Variants in HEPH observed in about 807,000 individuals in gnomAD.
The protein encoded by HEPH is hephaestin.
A neutral mutation model predicts 80.8 loss-of-function variants in HEPH; 69 were observed. The observed-to-expected ratio is 0.85, with a 90% CI of 0.70 to 1.04. The LOEUF (loss-of-function observed/expected upper bound fraction) is 1.04, where lower values mean the gene tolerates loss of function less well. Ranked by LOEUF, HEPH falls within the 50% of genes least tolerant of loss-of-function variation. The probability of loss-of-function intolerance (pLI) is 0.00; values close to 1 mark genes in which losing one functional copy is unlikely to be tolerated. For synonymous variants in HEPH, 431 were observed against 322.8 expected (o/e 1.34, Z -3.60); for missense variants, 1,115 against 891.3 (o/e 1.25, Z -3.20).
At chrX:66,220,097 G>A (rs1276484041) in intron 15 of HEPH, among the ~76,000 whole-genome samples, 1 of 110,941 alleles carries the variant, frequency 9.0e-6, no homozygotes, top group East Asian at 2.8e-4. Flanking sequence ...AAGTTATCAG[G>A]GTGATTCTTT....
intron 15 of HEPH, among the ~76,000 whole-genome samples, chrX:66,227,693 G>T (rs996129288): frequency 3.6e-5 from 4 of 111,826 alleles, no homozygotes; most frequent in African/African-American, 1.3e-4. Flanking sequence ...CTTTGTTGAA[G>T]ATTAGTTGAC....
chrX:66,260,897 G>A (rs750366819), intron 19 of HEPH, among the ~76,000 whole-genome samples: 1 of 110,942 alleles, frequency 9.0e-6, no homozygotes, highest in South Asian at 3.8e-4. Context: ...CTCCCAAGTA[G>A]CTGGGACTGC....
intron 3 of HEPH, among the ~76,000 whole-genome samples, chrX:66,172,803 G>A (rs773515010): frequency 2.1e-4 from 23 of 112,006 alleles, no homozygotes; most frequent in African/African-American, 7.5e-4. Flanking sequence ...ACGAGTCATT[G>A]TCTCTCTCTG....
intron 13 of HEPH, among the ~76,000 whole-genome samples, chrX:66,204,631 G>A (rs1344896696): frequency 9.0e-6 from 1 of 111,670 alleles, no homozygotes; most frequent in Non-Finnish European, 1.9e-5. Context: ...CTATATACAT[G>A]CTAAAAGGAA....
intron 15 of HEPH, among the ~76,000 whole-genome samples, chrX:66,233,866 CAT>C (rs1280881927): frequency 9.0e-6 from 1 of 110,688 alleles, no homozygotes; most frequent in East Asian, 2.8e-4. Flanking sequence ...GCTGTCAAAA[CAT>C]GTTTTTATTT....
At position 66,236,631 on chromosome X, in the gene HEPH, A is replaced by G. The variant is rs144165667; in HGVS notation, c.2564-18404A>G. On this transcript the variant is annotated intron_variant, in intron 15 of 20. Coordinates refer to ENST00000343002, the MANE Select transcript of HEPH (RefSeq NM_001367233.3). ...ATCAGGGTGATGCTGGCCTCGTAGA[A>G]TGAGTTAGGGAGGAGTCCCTCCTTC... Among the ~76,000 whole-genome samples the G allele has an allele frequency of 9.7e-3, 1,080 of 111,596 alleles. 13 individuals carry two copies. Among genetic ancestry groups the G allele is most frequent in the African/African-American group, 0.034 (1,031 of 30,700 alleles).
At chrX:66,178,469 A>G (rs960694447) in intron 4 of HEPH, among the ~76,000 whole-genome samples, 1 of 112,299 alleles carries the variant, frequency 8.9e-6, no homozygotes, top group African/African-American at 3.2e-5. Context: ...CAGTAATGGG[A>G]TGGCTGGGTC....
At chrX:66,173,436 C>T (rs1321691623) in intron 3 of HEPH, among the ~76,000 whole-genome samples, 153 bp from the exon 4 acceptor site, 1 of 111,907 alleles carries the variant, frequency 8.9e-6, no homozygotes, top group Non-Finnish European at 1.9e-5. Flanking sequence ...TCTGTGCTCT[C>T]CTTAGGTTGT....
At chrX:66,266,375 A>G in intron 20 of HEPH, 65 bp from the exon 21 acceptor site, 8 of 867,337 alleles carry the variant, frequency 9.2e-6, no homozygotes, top group Non-Finnish European at 1.3e-5. Context: ...GGTGATGACT[A>G]TAGATAGTTA....
At chrX:66,252,912 T>A (rs746721826) in intron 15 of HEPH, among the ~76,000 whole-genome samples, 1 of 112,391 alleles carries the variant, frequency 8.9e-6, no homozygotes, top group South Asian at 3.7e-4. Flanking sequence ...TGCAAAACTA[T>A]GAAGTTGGAC....
intron 9 of HEPH, among the ~76,000 whole-genome samples, chrX:66,195,490 G>C (rs945847670): frequency 7.2e-5 from 8 of 110,968 alleles, no homozygotes; most frequent in African/African-American, 2.6e-4. Flanking sequence ...CAATTACAAA[G>C]TAAATAAGCA....
chrX:66,220,697 T>C (rs1028154961), intron 15 of HEPH, among the ~76,000 whole-genome samples: 1 of 111,648 alleles, frequency 9.0e-6, no homozygotes, highest in Admixed American at 9.5e-5. Flanking sequence ...AGCACAGGCA[T>C]CAAACTTCAA....
chrX:66,182,022 T>G (rs2087185234), intron 4 of HEPH, among the ~76,000 whole-genome samples: 1 of 108,107 alleles, frequency 9.3e-6, no homozygotes, highest in Admixed American at 9.9e-5. Context: ...ATATGCGGCA[T>G]TATTTCTGAG....
intron 15 of HEPH, among the ~76,000 whole-genome samples, chrX:66,247,481 C>A (rs754232849): frequency 4.9e-4 from 54 of 110,051 alleles, no homozygotes; most frequent in Middle Eastern, 4.6e-3. Context: ...AATTTCAATT[C>A]TCCTTTTCTA....
intron 15 of HEPH, among the ~76,000 whole-genome samples, chrX:66,232,614 A>G (rs1283338091): frequency 9.0e-6 from 1 of 111,313 alleles, no homozygotes; most frequent in Non-Finnish European, 1.9e-5. Context: ...GTTATAATGT[A>G]GCATAACATC....
intron 4 of HEPH, among the ~76,000 whole-genome samples, chrX:66,181,996 G>T (rs2087182119): frequency 9.1e-6 from 1 of 110,141 alleles, no homozygotes; most frequent in African/African-American, 3.3e-5. Context: ...GTTTGTCAAA[G>T]ATAAGATAGT....
At chrX:66,222,253 G>T (rs2089684330) in intron 15 of HEPH, among the ~76,000 whole-genome samples, 1 of 112,847 alleles carries the variant, frequency 8.9e-6, no homozygotes, top group Non-Finnish European at 1.9e-5. Flanking sequence ...CCCGCAGGGT[G>T]CCAGACTTTG....
intron 4 of HEPH, among the ~76,000 whole-genome samples, chrX:66,187,728 G>A (rs2087545735): frequency 9.0e-6 from 1 of 111,281 alleles, no homozygotes; most frequent in Non-Finnish European, 1.9e-5. Flanking sequence ...TTCATGAAGG[G>A]TGCTGGAGCC....
At position 66,200,718 on chromosome X, in the gene HEPH, C is replaced by T. The variant is rs996537629; in HGVS notation, c.2043C>T (p.Thr681=). 8.3e-7 allele frequency: 1 copy of T among 1,209,223 alleles called. No homozygotes were observed. Among genetic ancestry groups the T allele is most frequent in the Non-Finnish European group, 1.1e-6 (1 of 894,979 alleles). ...RKGAAMLFPH[T]FVMAIMQPDN... is the part of the protein sequence containing the mutation. Reference sequence around the variant, plus strand: ...GTGCAGCTATGCTCTTTCCTCATACCTTTGTCATGGCCATCATGCAGCCTG... The same window carrying T: ...GTGCAGCTATGCTCTTTCCTCATACTTTTGTCATGGCCATCATGCAGCCTG... Residue 681 remains threonine (T), a synonymous_variant, in exon 12 of 21, where the codon ACC becomes ACT. Coordinates refer to ENST00000343002, the MANE Select transcript of HEPH (RefSeq NM_001367233.3).
Sources: allele counts gnomAD v4.1 joint callset (sites outside exome capture counted in the v4.1 genomes callset), GRCh38; gene constraint gnomAD v4.1.1; transcripts MANE v1.5; gene names NCBI Gene and HGNC (gene_info 2026-07-23, HGNC 2026-07-21).